CHST3: variants seen among roughly 807,000 people sequenced by gnomAD.
The protein encoded by CHST3 is C6ST-1.
CHST3 carries 20 observed loss-of-function variants against 35.4 expected under a neutral mutation model. The ratio of observed to expected loss-of-function variants is 0.57; its 90% CI spans 0.40 to 0.82. The LOEUF is 0.82. Ranked by LOEUF, CHST3 falls within the 40% of genes least tolerant of loss-of-function variation. The probability of loss-of-function intolerance (pLI) is 0.00; values close to 1 mark genes in which losing one functional copy is unlikely to be tolerated. For missense variants in CHST3, 693 were observed against 670.1 expected (o/e 1.03, Z -0.38); for synonymous variants, 334 against 295.9 (o/e 1.13, Z -1.32).
intron 1 of CHST3, among the ~76,000 whole-genome samples, chr10:71,993,473 C>T (rs762277641): frequency 4.6e-5 from 7 of 152,006 alleles, no homozygotes; most frequent in Non-Finnish European, 1.0e-4. Context: ...TTCTTAGCAT[C>T]CACTTCTTCT....
intron 2 of CHST3, among the ~76,000 whole-genome samples, chr10:72,006,963 T>G (rs1840044696): frequency 6.6e-6 from 1 of 152,224 alleles, no homozygotes; most frequent in African/African-American, 2.4e-5. Flanking sequence ...ATGCACCTCT[T>G]TCCTCCCCTG....
At chr10:72,005,578 A>G (rs955162616) in intron 1 of CHST3, among the ~76,000 whole-genome samples, 158 bp from the exon 2 acceptor site, 5 of 152,200 alleles carry the variant, frequency 3.3e-5, no homozygotes, top group Non-Finnish European at 7.3e-5. Context: ...GACCTATTAA[A>G]GAGACCTTCA....
chr10:71,989,045 C>G (rs1839874397), intron 1 of CHST3, among the ~76,000 whole-genome samples: 1 of 152,082 alleles, frequency 6.6e-6, no homozygotes, highest in Admixed American at 6.5e-5. Context: ...ACCTGTAATC[C>G]CATCTACTCA....
At chr10:71,995,409 G>A (rs1355520251) in intron 1 of CHST3, among the ~76,000 whole-genome samples, 4 of 138,676 alleles carry the variant, frequency 2.9e-5, no homozygotes, top group East Asian at 2.0e-4. Flanking sequence ...TGGGCAGAGC[G>A]AGAGTCTGTC....
At chr10:71,968,632 G>A (rs1008516949) in intron 1 of CHST3, among the ~76,000 whole-genome samples, 4 of 152,172 alleles carry the variant, frequency 2.6e-5, no homozygotes, top group African/African-American at 9.7e-5. Context: ...ATGGCAACAG[G>A]GAAACAGCCC....
intron 1 of CHST3, among the ~76,000 whole-genome samples, chr10:71,969,107 G>A: frequency 6.6e-6 from 1 of 152,178 alleles, no homozygotes; most frequent in Non-Finnish European, 1.5e-5. Flanking sequence ...GTGTTCTGGA[G>A]AGCTGGACTC....
intron 1 of CHST3, among the ~76,000 whole-genome samples, chr10:71,985,124 C>T (rs1161652002): frequency 6.6e-6 from 1 of 152,262 alleles, no homozygotes; most frequent in African/African-American, 2.4e-5. Flanking sequence ...AGCCAGAGTG[C>T]CTGTGCTGCG....
intron 1 of CHST3, among the ~76,000 whole-genome samples, chr10:71,973,077 G>T (rs2131739203): frequency 6.6e-6 from 1 of 152,360 alleles, no homozygotes; most frequent in African/African-American, 2.4e-5. Flanking sequence ...AGAGCCCTCA[G>T]TGGGGCAGGC....
intron 1 of CHST3, among the ~76,000 whole-genome samples, chr10:71,999,288 T>C (rs1203416818): frequency 1.3e-5 from 2 of 152,232 alleles, no homozygotes; most frequent in Non-Finnish European, 2.9e-5. Context: ...CTCTCCACTC[T>C]GCAGATTCTG....
At chr10:71,970,053 T>C (rs1324489976) in intron 1 of CHST3, among the ~76,000 whole-genome samples, 1 of 152,232 alleles carries the variant, frequency 6.6e-6, no homozygotes, top group African/African-American at 2.4e-5. Flanking sequence ...CAGCGGGGTG[T>C]GGGGTGGCCC....
At chr10:71,999,613 A>C (rs1253031760) in intron 1 of CHST3, among the ~76,000 whole-genome samples, 1 of 151,896 alleles carries the variant, frequency 6.6e-6, no homozygotes, top group Admixed American at 6.6e-5. Flanking sequence ...TGCCTGATGC[A>C]ATGTCTGGCA....
chr10:72,005,572 T>C (rs1157706796), intron 1 of CHST3, among the ~76,000 whole-genome samples, 164 bp from the exon 2 acceptor site: 1 of 152,206 alleles, frequency 6.6e-6, no homozygotes, highest in African/African-American at 2.4e-5. Context: ...TTAAATGACC[T>C]ATTAAAGAGA....
Position 72,007,446 on chromosome 10 carries a change from G to A in CHST3, c.415G>A (p.Ala139Thr), listed in dbSNP as rs1489437151. The A allele has an allele frequency of 6.2e-7, 1 of 1,603,504 alleles. No homozygotes were observed. ...AGPRRHVLLMATTRTGSSFVG... is the reference protein window; with the variant it reads ...AGPRRHVLLMTTTRTGSSFVG... ...GCCCCGGCGCCACGTGCTGCTCATG[G>A]CCACCACGCGCACCGGCTCCTCGTT... The change falls in exon 3 of 3, where the codon GCC becomes ACC. Residue 139 changes from alanine to threonine, a missense_variant. By Grantham distance (58) the Ala-to-Thr change is moderately conservative (BLOSUM62 0). Coordinates refer to ENST00000373115, the MANE Select transcript of CHST3 (RefSeq NM_004273.5).
At position 72,008,339 on chromosome 10, in the gene CHST3, G is replaced by T. The variant is rs1475939233; in HGVS notation, c.1308G>T (p.Leu436=). ...EKWRFSMPFK[L]AQVVQAACGP... The stretch of plus-strand genomic sequence containing the variant: ...GGCGCTTCAGCATGCCCTTCAAGCT[G>T]GCCCAGGTGGTGCAGGCCGCCTGCG... The change falls in exon 3 of 3, where the codon CTG becomes CTT. Residue 436 remains leucine, a synonymous_variant. Transcript: ENST00000373115. 6.4e-7 allele frequency: 1 copy of T among 1,572,222 alleles called. No individual in the cohort carries two copies. The highest frequency in any genetic ancestry group is 1.9e-5 in the Admixed American group (1 of 53,828).
intron 1 of CHST3, among the ~76,000 whole-genome samples, chr10:71,994,567 T>A (rs987063126): frequency 6.6e-6 from 1 of 152,212 alleles, no homozygotes; most frequent in Admixed American, 6.5e-5. Context: ...ATTGTTAAGG[T>A]CCCTAGGAGT....
At position 72,011,811 on chromosome 10, in the gene CHST3, A is replaced by G. The variant is rs1018806913; in HGVS notation, c.*3340A>G. The G allele has an allele frequency of 6.6e-6, 1 of 152,114 alleles. No individual in the cohort carries two copies. Among genetic ancestry groups the G allele is most frequent in the African/African-American group, 2.4e-5 (1 of 41,422 alleles). 9.4% of individuals were successfully genotyped at this position (152,114 alleles called of 1,614,324 possible). The stretch of plus-strand genomic sequence containing the variant: ...GGCTGTCCCCACTCTGCCTGTTCCC[A>G]TCTTCCCCTCGGGACCTGTTTATAA... On this transcript the variant is annotated 3_prime_UTR_variant, in exon 3 of 3. Coordinates refer to ENST00000373115, the MANE Select transcript of CHST3 (RefSeq NM_004273.5).
intron 1 of CHST3, among the ~76,000 whole-genome samples, chr10:71,989,731 C>T (rs903172637): frequency 2.6e-5 from 4 of 152,194 alleles, no homozygotes; most frequent in African/African-American, 9.7e-5. Flanking sequence ...ACAGTTCCCA[C>T]CCATTCCCCA....
intron 1 of CHST3, among the ~76,000 whole-genome samples, chr10:71,984,068 G>A (rs994919981): frequency 1.1e-4 from 17 of 152,206 alleles, no homozygotes; most frequent in Admixed American, 7.8e-4. Context: ...TGTCACCCAG[G>A]CTGGAGCGCA....
Position 72,008,804 on chromosome 10 carries a change from A to T in CHST3, c.*333A>T, listed in dbSNP as rs1462104608. The T allele has an allele frequency of 4.2e-6, 1 of 235,870 alleles. No individual in the cohort carries two copies. The allele number at this position is 235,870 out of a possible 1,614,324, so 14.6% of individuals were successfully genotyped here. On this transcript the variant is annotated 3_prime_UTR_variant, in exon 3 of 3. Transcript: ENST00000373115. ...TGGAGACCCTGCAGGCCAGAGTCCA[A>T]ATATTTAACAATCAGAAGGGGCAAG...
Sources: allele counts gnomAD v4.1 joint callset (sites outside exome capture counted in the v4.1 genomes callset), GRCh38; gene constraint gnomAD v4.1.1; transcripts MANE v1.5; gene names NCBI Gene and HGNC (gene_info 2026-07-23, HGNC 2026-07-21).